The following ASTN2 variants were observed in gnomAD, a reference collection of about 807,000 sequenced individuals.
ASTN2 encodes the protein astrotactin 2.
A neutral mutation model predicts 139.8 loss-of-function variants in ASTN2; 54 were observed. That is an observed-to-expected ratio of 0.39 (90% CI 0.31 to 0.48). ASTN2 has a LOEUF of 0.48. Among genes scored for constraint, ASTN2 ranks in the 20% least tolerant of loss-of-function variants. The pLI, the probability that ASTN2 is intolerant of heterozygous loss-of-function variation, is 0.95. For synonymous variants in ASTN2, 756 were observed against 719.5 expected, an observed-to-expected ratio of 1.05 and a Z score of -0.81; for missense variants, 1,565 against 1,725.1, an observed-to-expected ratio of 0.91 and a Z score of 1.64.
intron 3 of ASTN2, among the ~76,000 whole-genome samples, chr9:117,194,219 A>G (rs1388523886): frequency 6.6e-6 from 1 of 151,858 alleles, no homozygotes; most frequent in African/African-American, 2.4e-5. Context: ...TCCTCCACCA[A>G]CCCCTCAAAC....
At chr9:117,015,573 C>A (rs961011794) in intron 6 of ASTN2, among the ~76,000 whole-genome samples, 1 of 152,114 alleles carries the variant, frequency 6.6e-6, no homozygotes, top group African/African-American at 2.4e-5. Flanking sequence ...CCCCAGATAC[C>A]AAGTCTGGTG....
At chr9:117,296,114 C>T (rs1485474644) in intron 1 of ASTN2, among the ~76,000 whole-genome samples, 1 of 151,554 alleles carries the variant, frequency 6.6e-6, no homozygotes, top group Non-Finnish European at 1.5e-5. Flanking sequence ...CCCGCCTCTA[C>T]TAAAAATACA....
intron 10 of ASTN2, among the ~76,000 whole-genome samples, chr9:116,958,629 C>T (rs1835789531): frequency 6.6e-6 from 1 of 151,930 alleles, no homozygotes; most frequent in African/African-American, 2.4e-5. Flanking sequence ...ATCTGGCCTC[C>T]TGGAAGAAGA....
intron 11 of ASTN2, among the ~76,000 whole-genome samples, chr9:116,861,616 T>A (rs568360938): frequency 6.6e-6 from 1 of 152,296 alleles, no homozygotes; most frequent in African/African-American, 2.4e-5. Flanking sequence ...AGTCTATGCC[T>A]TCCCCCATCT....
chr9:117,028,412 C>A (rs1471369426), intron 6 of ASTN2, among the ~76,000 whole-genome samples: 1 of 152,128 alleles, frequency 6.6e-6, no homozygotes, highest in South Asian at 2.1e-4. Flanking sequence ...TGGGTAGCAG[C>A]GCTGGGGAAG....
intron 12 of ASTN2, among the ~76,000 whole-genome samples, chr9:116,815,642 A>G (rs1301833074): frequency 6.6e-6 from 1 of 150,494 alleles, no homozygotes; most frequent in Non-Finnish European, 1.5e-5. Context: ...CATCTCTACT[A>G]AAAATATAAA....
At chr9:117,006,988 G>A (rs1387678717) in intron 7 of ASTN2, among the ~76,000 whole-genome samples, 13 of 152,150 alleles carry the variant, frequency 8.5e-5, no homozygotes, top group African/African-American at 2.7e-4. Flanking sequence ...GTGGTGATGC[G>A]TGCCTGTAAT....
chr9:117,372,848 C>A (rs529815228), intron 1 of ASTN2, among the ~76,000 whole-genome samples: 4 of 152,220 alleles, frequency 2.6e-5, no homozygotes, highest in African/African-American at 9.6e-5. Context: ...CAAGCAGATT[C>A]TTGTTTGTAA....
intron 4 of ASTN2, among the ~76,000 whole-genome samples, chr9:117,138,709 A>G (rs942483462): frequency 3.9e-5 from 6 of 152,214 alleles, no homozygotes; most frequent in African/African-American, 7.2e-5. Flanking sequence ...ACAAAGAGGA[A>G]GGACAGATAT....
intron 20 of ASTN2, among the ~76,000 whole-genome samples, chr9:116,446,274 G>GAGAT (rs1847992236): frequency 9.3e-5 from 2 of 21,454 alleles, no homozygotes; most frequent in African/African-American, 3.3e-4. Context: ...GAGAGAGATA[G>GAGAT]AGAGAGAGAG....
intron 3 of ASTN2, among the ~76,000 whole-genome samples, chr9:117,143,501 T>TATTC (rs931309812): frequency 6.6e-6 from 1 of 152,210 alleles, no homozygotes; most frequent in African/African-American, 2.4e-5. Context: ...GATCTGTCAA[T>TATTC]ATTCATTCAT....
chr9:117,407,754 G>A (rs894612274), intron 1 of ASTN2, among the ~76,000 whole-genome samples: 5 of 152,176 alleles, frequency 3.3e-5, no homozygotes, highest in African/African-American at 1.2e-4. Context: ...AACTCTCATT[G>A]AGCATTGCTG....
At chr9:117,241,776 G>C (rs1413678770) in intron 2 of ASTN2, among the ~76,000 whole-genome samples, 2 of 152,088 alleles carry the variant, frequency 1.3e-5, no homozygotes, top group Non-Finnish European at 2.9e-5. Context: ...ATGGGGACTT[G>C]AGTAGGGTAT....
chr9:116,974,506 C>CTTTTTT (rs3038410), intron 10 of ASTN2, among the ~76,000 whole-genome samples: 6 of 110,920 alleles, frequency 5.4e-5, no homozygotes, highest in African/African-American at 6.9e-5. Flanking sequence ...TTAGCCTGGA[C>CTTTTTT]TTTTTTTTTT....
intron 16 of ASTN2, chr9:116,686,635 C>T (rs1378959957): frequency 2.0e-6 from 3 of 1,488,670 alleles, no homozygotes; most frequent in African/African-American, 1.4e-5. Context: ...TCACCTCCCA[C>T]CTGGTAAGAT....
chr9:117,134,976 C>T (rs1260214678), intron 4 of ASTN2, among the ~76,000 whole-genome samples: 1 of 152,214 alleles, frequency 6.6e-6, no homozygotes, highest in Non-Finnish European at 1.5e-5. Flanking sequence ...GCTGAGGGGA[C>T]AGTGCTGATT....
intron 10 of ASTN2, among the ~76,000 whole-genome samples, chr9:116,945,794 T>A (rs1835378533): frequency 6.6e-6 from 1 of 152,224 alleles, no homozygotes; most frequent in South Asian, 2.1e-4. Flanking sequence ...GGAGTCTTTG[T>A]TTCCCTTCAA....
intron 10 of ASTN2, among the ~76,000 whole-genome samples, chr9:116,969,717 G>C (rs1836128818): frequency 6.6e-6 from 1 of 152,152 alleles, no homozygotes; most frequent in Non-Finnish European, 1.5e-5. Flanking sequence ...AGACTAAGTA[G>C]GTGATCCATT....
intron 19 of ASTN2, among the ~76,000 whole-genome samples, chr9:116,513,663 A>C (rs1016324157): frequency 1.3e-5 from 2 of 152,002 alleles, no homozygotes; most frequent in Admixed American, 1.3e-4. Flanking sequence ...TGGTCTTTTC[A>C]CATAGTCCCA....
Sources: gnomAD v4.1 joint callset for allele counts (sites outside exome capture counted in the v4.1 genomes callset) on GRCh38, gnomAD v4.1.1 for gene constraint, MANE v1.5 for transcripts, NCBI Gene and HGNC (gene_info 2026-07-23, HGNC 2026-07-21) for gene names.